TECPR1: variants seen among roughly 807,000 people sequenced by gnomAD.
The protein encoded by TECPR1 is tectonin beta-propeller repeat containing 1.
A neutral mutation model predicts 162.4 loss-of-function variants in TECPR1; 122 were observed. The ratio of observed to expected loss-of-function variants is 0.75; its 90% CI spans 0.65 to 0.87. The LOEUF is 0.87. TECPR1 is among the 40% of genes least tolerant of loss of function. The pLI is 0.00. For missense variants in TECPR1, 1,432 were observed against 1,618.2 expected, an observed-to-expected ratio of 0.88 and a Z score of 1.97; for synonymous variants, 642 against 670.6, an observed-to-expected ratio of 0.96 and a Z score of 0.66.
intron 13 of TECPR1, 169 bp from the exon 14 acceptor site, chr7:98,231,542 G>A (rs1798437269): frequency 2.1e-6 from 1 of 465,614 alleles, no homozygotes; most frequent in Non-Finnish European, 3.3e-6. Flanking sequence ...CCCCTCCCCA[G>A]GCACCCCCAT....
rs569587835 is a variant in TECPR1 at position 98,216,803 on chromosome 7, A to G, written c.*587T>C. ...TGGTTTGAAACTCTTGACCTAGGTGATCTGCCCACCTCAGCCTCCCAAAGT... is the reference window on the plus strand; with the variant it reads ...TGGTTTGAAACTCTTGACCTAGGTGGTCTGCCCACCTCAGCCTCCCAAAGT... On this transcript the variant is annotated 3_prime_UTR_variant, in exon 26 of 26. Transcript: ENST00000447648. 2.1e-4 allele frequency: 32 copies of G among 151,754 alleles called. No homozygotes were observed. The highest frequency in any genetic ancestry group is 4.2e-4 in the South Asian group (2 of 4,808). 9.4% of individuals were successfully genotyped at this position (151,754 alleles called of 1,614,324 possible). A position where few individuals can be genotyped will look rare whatever the true frequency, so the allele number is the denominator to read the frequency against.
chr7:98,240,974 C>G, intron 7 of TECPR1, 23 bp from the exon 8 acceptor site: 1 of 1,592,810 alleles, frequency 6.3e-7, no homozygotes, highest in Non-Finnish European at 8.5e-7. Flanking sequence ...CAAGAAACCC[C>G]CAGTGGCCCC....
chr7:98,222,987 C>T lies in TECPR1; in HGVS notation c.2928+3G>A. 1.2e-6 allele frequency: 2 copies of T among 1,611,524 alleles called. No homozygotes were observed. ...GAAGAATCTGTCTGGCCCCGGCACT[C>T]ACCGCAGGGTTGAGCTCCGACACGC... On this transcript the variant is annotated splice_donor_region_variant and intron_variant, in intron 21 of 25. Transcript: ENST00000447648.
chr7:98,215,703 G>A lies in TECPR1; in HGVS notation c.*1687C>T, dbSNP rs886353989. 9 of 152,304 alleles carry A rather than the reference G, an allele frequency of 5.9e-5. No individual in the cohort carries two copies. The highest frequency in any genetic ancestry group is 2.2e-4 in the African/African-American group (9 of 41,464). The allele number at this position is 152,304 out of a possible 1,614,324, so 9.4% of individuals were successfully genotyped here. A position where few individuals can be genotyped will look rare whatever the true frequency, so the allele number is the denominator to read the frequency against. On this transcript the variant is annotated 3_prime_UTR_variant, in exon 26 of 26. Transcript: ENST00000447648. ...AGAATGCACAGGTCACTGTTGTAGG[G>A]GAACAAATCGTAATGCCCAGAGAAA...
rs562976025 is a variant in TECPR1, at chr7:98,217,765, C to T, written c.3311G>A (p.Arg1104Gln). 2.6e-5 allele frequency: 41 copies of T among 1,551,038 alleles called. No individual in the cohort carries two copies. The highest frequency in any genetic ancestry group is 5.9e-5 in the Admixed American group (3 of 51,040). ...GCCGGTGCGATGACACACTGTCCCC[C>T]GGCTCAGGCTGTGGCTGCCCTGCAC... is the stretch of plus-strand genomic sequence containing the variant. ...NKVQGSHSLS[R>Q]GTVCHRTGVQ... is the part of the protein sequence containing the mutation. The change falls in exon 25 of 26, where the codon CGG (arginine) becomes CAG (glutamine). Residue 1104 changes from arginine to glutamine, a missense_variant. By Grantham distance (43) the Arg-to-Gln change is conservative. Coordinates refer to ENST00000447648, the MANE Select transcript of TECPR1 (RefSeq NM_015395.3).
intron 2 of TECPR1, among the ~76,000 whole-genome samples, chr7:98,248,178 T>G (rs921917526): frequency 6.6e-6 from 1 of 152,174 alleles, no homozygotes; most frequent in African/African-American, 2.4e-5. Context: ...AGGAACAGTC[T>G]TTCCACCGTG....
At chr7:98,222,209 C>T (rs1194381351) in intron 22 of TECPR1, among the ~76,000 whole-genome samples, 177 bp downstream of exon 22, 1 of 152,200 alleles carries the variant, frequency 6.6e-6, no homozygotes, top group Non-Finnish European at 1.5e-5. Flanking sequence ...GCAGGCCTGG[C>T]TCCAGCTGCC....
chr7:98,223,053 G>C lies in TECPR1; in HGVS notation c.2865C>G (p.Leu955=). 6.2e-7 allele frequency: 1 copy of C among 1,608,848 alleles called. No individual in the cohort carries two copies. Among genetic ancestry groups the C allele is most frequent in the South Asian group, 1.1e-5 (1 of 90,166 alleles). The change falls in exon 21 of 26, where the codon CTC becomes CTG. Residue 955 remains leucine (L), a synonymous_variant. Transcript: ENST00000447648. The stretch of plus-strand genomic sequence containing the variant: ...CATCCCCCTTGTCGCTGACGGCCCA[G>C]AGGGCGATGCTGTGCCCACTCCCCT... ...GAEGSGHSIA[L]WAVSDKGDVL...
In TECPR1 at chr7:98,230,974, G is replaced by A. The variant is rs761109782; in HGVS notation, c.2269C>T (p.Pro757Ser). ...CGGCTCACTCACATCTGGTCGCAGG[G>A]CAGGGGGTGCTCGTGGGCCTCCAGG... ...PDLEAHEHPLPCDQMFWRQMG... is the reference protein window; with the variant it reads ...PDLEAHEHPLSCDQMFWRQMG... The change falls in exon 15 of 26, where the codon CCC (proline) becomes TCC (serine). Residue 757 changes from proline to serine, a missense_variant. Pro to Ser is a moderately conservative substitution (Grantham distance 74). Transcript: ENST00000447648. 6 of 1,611,930 alleles carry A rather than the reference G, an allele frequency of 3.7e-6. No individual in the cohort carries two copies. Among genetic ancestry groups the A allele is most frequent in the Middle Eastern group, 1.7e-4 (1 of 5,764 alleles).
chr7:98,220,084 G>T (rs1798105767), intron 23 of TECPR1, among the ~76,000 whole-genome samples: 1 of 151,220 alleles, frequency 6.6e-6, no homozygotes, highest in East Asian at 2.0e-4. Flanking sequence ...GCTCATGCCT[G>T]TAATCCCAGC....
intron 10 of TECPR1, among the ~76,000 whole-genome samples, chr7:98,236,354 G>A (rs554472179): frequency 2.0e-4 from 31 of 152,292 alleles, no homozygotes; most frequent in African/African-American, 7.2e-4. Flanking sequence ...GCTGGGCAGA[G>A]ACCCTCTGTC....
rs773883189 is a variant in TECPR1 at position 98,222,981 on chromosome 7, G to A, written c.2928+9C>T. 31 of 1,610,922 alleles carry A rather than the reference G, an allele frequency of 1.9e-5. No homozygotes were observed. The Admixed American group carries it at 2.5e-4, about 13-fold the overall frequency. ...TTTCAAGAAGAATCTGTCTGGCCCC[G>A]GCACTCACCGCAGGGTTGAGCTCCG... On this transcript the variant is annotated intron_variant, in intron 21 of 25. Transcript: ENST00000447648.
intron 6 of TECPR1, among the ~76,000 whole-genome samples, chr7:98,242,975 C>G (rs1243017685): frequency 3.0e-5 from 2 of 67,448 alleles, no homozygotes; most frequent in Non-Finnish European, 6.7e-5. Flanking sequence ...CATCCACCCA[C>G]ACCCATCCAT....
At chr7:98,231,463 T>C in intron 13 of TECPR1, 90 bp from the exon 14 acceptor site, 1 of 1,402,444 alleles carries the variant, frequency 7.1e-7, no homozygotes. Context: ...CCTGGGACCC[T>C]GGCCCTCGGA....
At chr7:98,240,410 G>A (rs1423052051) in intron 8 of TECPR1, among the ~76,000 whole-genome samples, 10 of 151,996 alleles carry the variant, frequency 6.6e-5, no homozygotes, top group South Asian at 6.2e-4. Context: ...AGCTGGTGCC[G>A]GATTTGTTCT....
chr7:98,227,006 G>GT (rs1798293678), intron 17 of TECPR1, among the ~76,000 whole-genome samples: 1 of 151,514 alleles, frequency 6.6e-6, no homozygotes, highest in Non-Finnish European at 1.5e-5. Flanking sequence ...GCCTCAAAAA[G>GT]TTAAAAAAAA....
rs1250769260 is a variant in TECPR1 at position 98,221,708 on chromosome 7, T to C, written c.3110A>G (p.Lys1037Arg). 6.2e-7 allele frequency: 1 copy of C among 1,613,534 alleles called. No individual in the cohort carries two copies. Among genetic ancestry groups the C allele is most frequent in the South Asian group, 1.1e-5 (1 of 91,070 alleles). ...HIPSPPRQRL[K>R]QVSAGQTSVY... Reference sequence around the variant, plus strand: ...CGACGTCTGCCCCGCGGACACCTGCTTCAGCCTCTGTCTCGGTGGGGACGG... The same window carrying C: ...CGACGTCTGCCCCGCGGACACCTGCCTCAGCCTCTGTCTCGGTGGGGACGG... The change falls in exon 23 of 26, where the codon AAG becomes AGG. Residue 1037 changes from lysine (K) to arginine (R), a missense_variant. Lys to Arg is a conservative substitution (Grantham distance 26). Transcript: ENST00000447648.
At chr7:98,237,562 A>G (rs1443357983) in intron 9 of TECPR1, among the ~76,000 whole-genome samples, 1 of 151,508 alleles carries the variant, frequency 6.6e-6, no homozygotes, top group Non-Finnish European at 1.5e-5. Context: ...TCCGCCTCCC[A>G]GCTTCAACCG....
intron 10 of TECPR1, among the ~76,000 whole-genome samples, chr7:98,235,984 C>G (rs1203720936): frequency 6.6e-6 from 1 of 152,088 alleles, no homozygotes. Flanking sequence ...GGGTGTGGAC[C>G]AGGGGCTAGG....
Sources: allele counts gnomAD v4.1 joint callset (sites outside exome capture counted in the v4.1 genomes callset), GRCh38; gene constraint gnomAD v4.1.1; transcripts MANE v1.5; gene names NCBI Gene and HGNC (gene_info 2026-07-23, HGNC 2026-07-21).